The following IMMP1L variants were observed in gnomAD, a reference collection of about 807,000 sequenced individuals.
The protein encoded by IMMP1L is mitochondrial inner membrane protease subunit 1.
In IMMP1L, 24 loss-of-function variants were observed where a neutral mutation model predicts 21.8. The observed-to-expected ratio is 1.10, with a 90% CI of 0.80 to 1.55. The LOEUF is 1.55. IMMP1L is among the 40% of genes most tolerant of loss of function. The pLI is 0.00. For synonymous variants in IMMP1L, 46 were observed against 62.8 expected (o/e 0.73, Z 1.26); for missense variants, 195 against 200.7 (o/e 0.97, Z 0.17).
chr11:31,476,169 C>A (rs1564995637), intron 1 of IMMP1L, among the ~76,000 whole-genome samples: 1 of 152,022 alleles, frequency 6.6e-6, no homozygotes, highest in Non-Finnish European at 1.5e-5. Flanking sequence ...TTATTTACTT[C>A]ATGGATAGCT....
At chr11:31,475,965 C>G (rs1442864634) in intron 1 of IMMP1L, among the ~76,000 whole-genome samples, 2 of 152,038 alleles carry the variant, frequency 1.3e-5, no homozygotes, top group Non-Finnish European at 2.9e-5. Flanking sequence ...TTTAGTAAAA[C>G]CTTCCAGACA....
At chr11:31,466,468 G>C (rs1223069) in intron 1 of IMMP1L, among the ~76,000 whole-genome samples, 1 of 152,122 alleles carries the variant, frequency 6.6e-6, no homozygotes, top group East Asian at 1.9e-4. Flanking sequence ...TTATTGCAGC[G>C]TAGCTACTAT....
chr11:31,509,047 C>T (rs1592064329), intron 1 of IMMP1L, among the ~76,000 whole-genome samples: 1 of 152,206 alleles, frequency 6.6e-6, no homozygotes, highest in East Asian at 1.9e-4. Context: ...TAACACTTGT[C>T]ATTTACACCG....
intron 4 of IMMP1L, among the ~76,000 whole-genome samples, chr11:31,438,926 T>A (rs1953217925): frequency 6.6e-6 from 1 of 152,202 alleles, no homozygotes; most frequent in African/African-American, 2.4e-5. Context: ...GCAGTATATT[T>A]TCATCCTCAT....
chr11:31,434,206 TTAA>T (rs1341203193), intron 4 of IMMP1L, among the ~76,000 whole-genome samples: 1 of 152,132 alleles, frequency 6.6e-6, no homozygotes, highest in East Asian at 1.9e-4. Context: ...AGTTGTAAAA[TTAA>T]TGATGGTGAC....
chr11:31,464,888 C>T (rs1456908190), intron 1 of IMMP1L, among the ~76,000 whole-genome samples: 3 of 152,056 alleles, frequency 2.0e-5, no homozygotes, highest in South Asian at 2.1e-4. Context: ...GAACAAGACA[C>T]GGATGCCCAC....
At chr11:31,456,511 T>G (rs1223067) in intron 3 of IMMP1L, 125 bp from the exon 4 acceptor site, 168,047 of 573,238 alleles carry the variant, frequency 0.29, 32,278 homozygotes, top group African/African-American at 0.74. Context: ...CTCATATACT[T>G]ACTCTTCCAC....
At chr11:31,459,996 A>C (rs1244020188) in intron 3 of IMMP1L, among the ~76,000 whole-genome samples, 1 of 152,012 alleles carries the variant, frequency 6.6e-6, no homozygotes, top group Non-Finnish European at 1.5e-5. Flanking sequence ...GTCTCTACAA[A>C]AACTACAAAA....
At chr11:31,469,127 C>A (rs939988036) in intron 1 of IMMP1L, among the ~76,000 whole-genome samples, 21 of 151,982 alleles carry the variant, frequency 1.4e-4, no homozygotes, top group African/African-American at 4.8e-4. Context: ...TACTCAAACA[C>A]CTTGCCCATT....
chr11:31,488,868 GTTTTATT>G (rs1027203654), intron 1 of IMMP1L, among the ~76,000 whole-genome samples: 19 of 151,444 alleles, frequency 1.3e-4, no homozygotes, highest in East Asian at 3.9e-4. Context: ...AAGAAAATAA[GTTTTATT>G]TTTTATTTTT....
At chr11:31,477,001 C>A (rs1171649775) in intron 1 of IMMP1L, 2 of 152,028 alleles carry the variant, frequency 1.3e-5, no homozygotes, top group African/African-American at 4.8e-5. Context: ...ATTCAGTATT[C>A]CTATTTACTC....
At chr11:31,472,606 T>G (rs976985157) in intron 1 of IMMP1L, among the ~76,000 whole-genome samples, 2 of 152,168 alleles carry the variant, frequency 1.3e-5, no homozygotes, top group African/African-American at 4.8e-5. Flanking sequence ...CATATTTACA[T>G]TAAAAAAACT....
chr11:31,504,287 A>G (rs1369583534), intron 1 of IMMP1L, among the ~76,000 whole-genome samples: 1 of 152,246 alleles, frequency 6.6e-6, no homozygotes, highest in Non-Finnish European at 1.5e-5. Context: ...ATGATAGAAG[A>G]TATTTGTAAT....
chr11:31,447,373 C>T (rs1953562632), intron 4 of IMMP1L, among the ~76,000 whole-genome samples: 1 of 152,192 alleles, frequency 6.6e-6, no homozygotes, highest in Admixed American at 6.5e-5. Context: ...CGGTCTCAGT[C>T]TGTGTCCCTA....
At chr11:31,481,256 A>G (rs188963948) in intron 1 of IMMP1L, among the ~76,000 whole-genome samples, 1 of 152,274 alleles carries the variant, frequency 6.6e-6, no homozygotes, top group East Asian at 1.9e-4. Flanking sequence ...CCCAATGCTA[A>G]TGTGTTGCTC....
intron 1 of IMMP1L, among the ~76,000 whole-genome samples, chr11:31,471,913 A>G (rs1406395185): frequency 6.6e-6 from 1 of 152,186 alleles, no homozygotes; most frequent in Non-Finnish European, 1.5e-5. Context: ...GTTTCTTTCT[A>G]AAGGCTTTAG....
intron 1 of IMMP1L, among the ~76,000 whole-genome samples, chr11:31,478,810 A>G (rs1954801914): frequency 6.6e-6 from 1 of 152,130 alleles, no homozygotes; most frequent in Non-Finnish European, 1.5e-5. Context: ...AATTTCCTTG[A>G]TCATTTTATA....
chr11:31,466,128 CAT>C (rs1474883023), intron 1 of IMMP1L, among the ~76,000 whole-genome samples: 3 of 151,886 alleles, frequency 2.0e-5, no homozygotes, highest in Non-Finnish European at 4.4e-5. Flanking sequence ...CAAAAGAAAA[CAT>C]AGAAATGGCC....
At chr11:31,458,785 G>C (rs1000562449) in intron 3 of IMMP1L, among the ~76,000 whole-genome samples, 2 of 152,152 alleles carry the variant, frequency 1.3e-5, no homozygotes, top group Admixed American at 1.3e-4. Context: ...TGGATGAATA[G>C]GGTACAAAAT....
Sources: gnomAD v4.1 joint callset for allele counts (sites outside exome capture counted in the v4.1 genomes callset) on GRCh38, gnomAD v4.1.1 for gene constraint, MANE v1.5 for transcripts, NCBI Gene and HGNC (gene_info 2026-07-23, HGNC 2026-07-21) for gene names.